The following BOD1L1 variants were observed in gnomAD, a reference collection of about 807,000 sequenced individuals.
BOD1L1 encodes biorientation of chromosomes in cell division protein 1-like 1.
BOD1L1 carries 86 observed loss-of-function variants against 240.7 expected under a neutral mutation model. The observed-to-expected ratio is 0.36, with a 90% CI of 0.30 to 0.43. BOD1L1 has a LOEUF of 0.43. BOD1L1 is among the 20% of genes least tolerant of loss of function. The pLI is 1.00. For synonymous variants in BOD1L1, 1,268 were observed against 1,272.3 expected (o/e 1.00, Z 0.07); for missense variants, 3,554 against 3,643.5 (o/e 0.98, Z 0.63).
intron 13 of BOD1L1, among the ~76,000 whole-genome samples, chr4:13,591,275 G>C (rs1279373197): frequency 6.6e-6 from 1 of 152,020 alleles, no homozygotes; most frequent in Non-Finnish European, 1.5e-5. Flanking sequence ...TTCTTATTCA[G>C]CATATGGTGT....
intron 21 of BOD1L1, among the ~76,000 whole-genome samples, chr4:13,580,804 A>G (rs185534668): frequency 3.3e-4 from 51 of 152,324 alleles, no homozygotes; most frequent in Non-Finnish European, 6.3e-4. Flanking sequence ...TTTTTAAATA[A>G]TCAAACTCCT....
In BOD1L1 at chr4:13,600,734, T is replaced by G. The variant is rs1166926977; in HGVS notation, c.6166A>C (p.Thr2056Pro). Residue 2056 changes from threonine to proline, a missense_variant, in exon 10 of 26, where the codon ACC becomes CCC. By Grantham distance (38) the Thr-to-Pro change is conservative. Transcript: ENST00000040738. ...LMATTASGDI[T>P]NQNSLAGGKN... ...CCCCCTGCTAAGCTATTCTGGTTGG[T>G]AATATCACCACTGGCTGTAGTTGCC... The G allele has an allele frequency of 1.2e-6, 2 of 1,613,902 alleles. No individual in the cohort carries two copies. The highest frequency in any genetic ancestry group is 2.7e-5 in the African/African-American group (2 of 74,932).
chr4:13,579,564 AT>A (rs939962436), intron 22 of BOD1L1, among the ~76,000 whole-genome samples: 2 of 152,230 alleles, frequency 1.3e-5, no homozygotes, highest in African/African-American at 4.8e-5. Context: ...TATGTAAAAA[AT>A]TTTAGACCAC....
chr4:13,574,936 GA>G (rs1712569456), intron 25 of BOD1L1, among the ~76,000 whole-genome samples: 1 of 132,828 alleles, frequency 7.5e-6, no homozygotes, highest in African/African-American at 3.1e-5. Context: ...TTTTTTTTTT[GA>G]GACGGGGAGT....
intron 10 of BOD1L1, 26 bp from the exon 11 acceptor site, chr4:13,597,194 C>G (rs768558210): frequency 9.6e-6 from 15 of 1,565,734 alleles, no homozygotes; most frequent in Admixed American, 1.8e-5. Context: ...CCATTTAGTA[C>G]AGTTTAAGAA....
At chr4:13,573,562 C>T (rs1449932946) in intron 25 of BOD1L1, among the ~76,000 whole-genome samples, 5 of 152,028 alleles carry the variant, frequency 3.3e-5, no homozygotes, top group Non-Finnish European at 7.4e-5. Flanking sequence ...CTCGCTCTGT[C>T]ACCCAGGCTG....
At position 13,568,847 on chromosome 4, in the gene BOD1L1, C is replaced by T. The variant is rs900347046; in HGVS notation, c.*1164G>A. On this transcript the variant is annotated 3_prime_UTR_variant, in exon 26 of 26. Transcript: ENST00000040738. ...GTCAAAATAAAAAAAAAAACCCATACACACTGAATGTAAATTTTAATTATA... is the reference window on the plus strand; with the variant it reads ...GTCAAAATAAAAAAAAAAACCCATATACACTGAATGTAAATTTTAATTATA... The T allele has an allele frequency of 6.6e-6, 1 of 151,082 alleles. No homozygotes were observed. The highest frequency in any genetic ancestry group is 3.2e-3 in the Middle Eastern group (1 of 312). The allele number at this position is 151,082 out of a possible 1,614,324, so 9.4% of individuals were successfully genotyped here. A position where few individuals can be genotyped will look rare whatever the true frequency, so the allele number is the denominator to read the frequency against.
Position 13,601,967 on chromosome 4 carries a change from C to A in BOD1L1, c.4933G>T (p.Val1645Phe). The A allele has an allele frequency of 6.2e-7, 1 of 1,613,976 alleles. No individual in the cohort carries two copies. The highest frequency in any genetic ancestry group is 8.5e-7 in the Non-Finnish European group (1 of 1,179,890). ...AVKIEANVNS[V>F]VTEEKDDAVT... ...GCATCATCCTTTTCCTCTGTCACAA[C>A]GCTATTTACATTGGCTTCGATTTTA... The change falls in exon 10 of 26, where the codon GTT becomes TTT. Residue 1645 changes from valine (V) to phenylalanine (F), a missense_variant. By Grantham distance (50) the Val-to-Phe change is conservative. This residue lies in a region of BOD1L1 where 3,393 missense variants were observed against 3,427.1 expected (regional missense o/e 0.99). Transcript: ENST00000040738.
rs367977032 is a variant in BOD1L1, at chr4:13,609,455, C to A, written c.1492-49G>T. On this transcript the variant is annotated intron_variant, in intron 6 of 25. Transcript: ENST00000040738. ...AGATTATTAGGCAAAGGCAAAAACA[C>A]ACTGAAAAATTGTATTTTTTTTAAA... is the stretch of plus-strand genomic sequence containing the variant. The A allele has an allele frequency of 6.1e-5, 73 of 1,191,408 alleles. No homozygotes were observed. In the African/African-American group the frequency reaches 9.7e-4, roughly 16 times the overall value. 73.8% of individuals were successfully genotyped at this position (1,191,408 alleles called of 1,614,324 possible).
chr4:13,601,796 T>A lies in BOD1L1; in HGVS notation c.5104A>T (p.Ile1702Leu), dbSNP rs926822412. Residue 1702 changes from isoleucine to leucine, a missense_variant, in exon 10 of 26, where the codon ATA becomes TTA. Around this residue, in one of 2 missense-constraint regions of BOD1L1, gnomAD observed 3,393 missense variants for 3,427.1 expected, o/e 0.99. Coordinates refer to ENST00000040738, the MANE Select transcript of BOD1L1 (RefSeq NM_148894.3). ...SAGTEIRAGS[I>L]SSEEVDGSQG... Reference sequence around the variant, plus strand: ...GAGCCATCCACCTCTTCACTGCTTATAGATCCTGCTCTTATCTCTGTTCCA... The same window carrying A: ...GAGCCATCCACCTCTTCACTGCTTAAAGATCCTGCTCTTATCTCTGTTCCA... The A allele has an allele frequency of 2.5e-6, 4 of 1,613,932 alleles. No individual in the cohort carries two copies. The African/African-American group carries it at 5.3e-5, about 22-fold the overall frequency.
chr4:13,619,174 A>T (rs1413876845), intron 2 of BOD1L1, among the ~76,000 whole-genome samples: 2 of 151,962 alleles, frequency 1.3e-5, no homozygotes, highest in Admixed American at 6.6e-5. Flanking sequence ...AAATACAACG[A>T]TAAGCTGGGC....
At position 13,613,685 on chromosome 4, in the gene BOD1L1, GA is replaced by G. The variant is rs754014895; in HGVS notation, c.1175-25del. 4.8e-5 allele frequency: 67 copies of G among 1,395,840 alleles called. No individual in the cohort carries two copies. The highest frequency in any genetic ancestry group is 1.6e-4 in the African/African-American group (11 of 69,066). The allele number at this position is 1,395,840 out of a possible 1,614,324, so 86.5% of individuals were successfully genotyped here. A position where few individuals can be genotyped will look rare whatever the true frequency, so the allele number is the denominator to read the frequency against. On this transcript the variant is annotated intron_variant, in intron 4 of 25. Transcript: ENST00000040738. This position sits in a 1 kb window ranked among gnomAD's most constrained non-coding sequence, Gnocchi z 4.0. ...ATCTTCAAGCGGAAAATAAAACACAGAAAAAAAAATCATCTTATTATAAGAA... is the reference window on the plus strand; with the variant it reads ...ATCTTCAAGCGGAAAATAAAACACAGAAAAAAAATCATCTTATTATAAGAA...
At chr4:13,608,495 GT>G in intron 8 of BOD1L1, 34 bp downstream of exon 8, 1 of 1,473,968 alleles carries the variant, frequency 6.8e-7, no homozygotes. Flanking sequence ...CCAGGGGAGT[GT>G]TATAAGGGAA....
At chr4:13,574,435 T>C (rs1169301034) in intron 25 of BOD1L1, among the ~76,000 whole-genome samples, 1 of 152,188 alleles carries the variant, frequency 6.6e-6, no homozygotes, top group Non-Finnish European at 1.5e-5. Flanking sequence ...TATTATAAAG[T>C]GCATGAAGGA....
Position 13,595,843 on chromosome 4 carries a change from C to A in BOD1L1, c.8104+17G>T, listed in dbSNP as rs1714573370. 1.9e-6 allele frequency: 3 copies of A among 1,599,632 alleles called. No individual in the cohort carries two copies. Among genetic ancestry groups the A allele is most frequent in the African/African-American group, 1.3e-5 (1 of 74,270 alleles). On this transcript the variant is annotated intron_variant, in intron 12 of 25. Transcript: ENST00000040738. ...CAAAAACAAAAACAATGTGAACAAC[C>A]ATTCTAAAGAGCTCACCTATTCCAC...
chr4:13,570,999 G>A (rs891212089), intron 25 of BOD1L1, among the ~76,000 whole-genome samples: 1 of 152,064 alleles, frequency 6.6e-6, no homozygotes, highest in African/African-American at 2.4e-5. Flanking sequence ...CATGTTAATA[G>A]GACACAACAG....
chr4:13,600,338 C>A lies in BOD1L1; in HGVS notation c.6562G>T (p.Ala2188Ser). 3 of 1,614,032 alleles carry A rather than the reference C, an allele frequency of 1.9e-6. No homozygotes were observed. The highest frequency in any genetic ancestry group is 2.5e-6 in the Non-Finnish European group (3 of 1,179,904). Residue 2188 changes from alanine to serine, a missense_variant, in exon 10 of 26, where the codon GCC becomes TCC. Ala to Ser is a moderately conservative substitution (Grantham distance 99). Coordinates refer to ENST00000040738, the MANE Select transcript of BOD1L1 (RefSeq NM_148894.3). ...CTGGGCATAGGCCCCTCAAAGTCGG[C>A]GGTGCTTATCAAGACTGGACCTGTA... The part of the protein sequence containing the change: ...RATGPVLIST[A>S]DFEGPMPSAP...
At position 13,600,268 on chromosome 4, in the gene BOD1L1, T is replaced by A. The variant is rs759145474; in HGVS notation, c.6632A>T (p.Glu2211Val). 9 of 1,614,022 alleles carry A rather than the reference T, an allele frequency of 5.6e-6. No individual in the cohort carries two copies. In the East Asian group the frequency reaches 2.0e-4, roughly 36 times the overall value. ...AATGAGAGCACATTCATCCTTCTCCTCCTTGCTGGTTGAGGCAAGAGGACT... is the reference window on the plus strand; with the variant it reads ...AATGAGAGCACATTCATCCTTCTCCACCTTGCTGGTTGAGGCAAGAGGACT... ...AESPLASTSKEEKDECALIST... is the reference protein window; with the variant it reads ...AESPLASTSKVEKDECALIST... Residue 2211 changes from glutamate to valine, a missense_variant, in exon 10 of 26, where the codon GAG (glutamate) becomes GTG (valine). Physicochemically the swap from Glu to Val is moderately radical, Grantham distance 121 (BLOSUM62 -2). Transcript: ENST00000040738.
chr4:13,603,208 A>T lies in BOD1L1; in HGVS notation c.3692T>A (p.Val1231Glu), dbSNP rs773923068. The T allele has an allele frequency of 3.7e-6, 6 of 1,614,022 alleles. No homozygotes were observed. The highest frequency in any genetic ancestry group is 5.1e-6 in the Non-Finnish European group (6 of 1,179,878). The stretch of plus-strand genomic sequence containing the variant: ...ATGAACAGTTTCAGAATCTATATTC[A>T]CTTCAGTAGTTCCTCTATGAATGGG... Reference protein sequence around the residue: ...KEPIHRGTTEVNIDSETVHRM... With the variant: ...KEPIHRGTTEENIDSETVHRM... The change falls in exon 10 of 26, where the codon GTG becomes GAG. Residue 1231 changes from valine to glutamate, a missense_variant. Val to Glu is a moderately radical substitution (Grantham distance 121). Coordinates refer to ENST00000040738, the MANE Select transcript of BOD1L1 (RefSeq NM_148894.3).
Sources: allele counts gnomAD v4.1 joint callset (sites outside exome capture counted in the v4.1 genomes callset), GRCh38; gene constraint gnomAD v4.1.1; regional missense constraint gnomAD v4.1.1; non-coding constraint Gnocchi (gnomAD v3.1); transcripts MANE v1.5; gene names NCBI Gene and HGNC (gene_info 2026-07-23, HGNC 2026-07-21).